The following MUSK variants were observed in gnomAD, a reference collection of about 807,000 sequenced individuals.
The protein encoded by MUSK is muscle associated receptor tyrosine kinase.
MUSK carries 55 observed loss-of-function variants against 88.7 expected under a neutral mutation model. The ratio of observed to expected loss-of-function variants is 0.62; its 90% confidence interval spans 0.50 to 0.78. The LOEUF is 0.78. Among genes scored for constraint, MUSK ranks in the 30% least tolerant of loss-of-function variants. The pLI, the probability that MUSK is intolerant of heterozygous loss-of-function variation, is 0.00. For missense variants in MUSK, 1,015 were observed against 1,074.3 expected, an observed-to-expected ratio of 0.94 and a Z score of 0.77; for synonymous variants, 387 against 391.9, an observed-to-expected ratio of 0.99 and a Z score of 0.15.
At chr9:110,715,663 T>C (rs1395131267) in intron 5 of MUSK, among the ~76,000 whole-genome samples, 5 of 148,306 alleles carry the variant, frequency 3.4e-5, no homozygotes, top group Non-Finnish European at 7.4e-5. Context: ...TTTATTTTCA[T>C]AGTGCCATTT....
intron 3 of MUSK, among the ~76,000 whole-genome samples, chr9:110,687,581 C>A (rs537138425): frequency 6.6e-6 from 1 of 152,184 alleles, no homozygotes; most frequent in South Asian, 2.1e-4. Context: ...GTGATCCGCC[C>A]ACCTTGGCAT....
intron 5 of MUSK, chr9:110,706,011 T>C (rs929031268): frequency 7.5e-5 from 34 of 455,106 alleles, no homozygotes; most frequent in East Asian, 5.9e-4. Context: ...ACAATCACAA[T>C]TGAATAAATT....
Position 110,801,228 on chromosome 9 carries a change from ATTC to A in MUSK, c.*247_*249del, listed in dbSNP as rs1183800403. 3.8e-5 allele frequency: 15 copies of A among 393,024 alleles called. No individual in the cohort carries two copies. In the Admixed American group the frequency reaches 4.4e-4, roughly 12 times the overall value. 24.3% of individuals were successfully genotyped at this position (393,024 alleles called of 1,614,324 possible). On this transcript the variant is annotated 3_prime_UTR_variant, in exon 15 of 15. Transcript: ENST00000374448. The stretch of plus-strand genomic sequence containing the variant: ...AATGTGTCAGATAATGGAGACAACT[ATTC>A]TTCTTCATGAAGGTTTGTAATACAC...
chr9:110,674,718 C>T (rs1040925790), intron 1 of MUSK, among the ~76,000 whole-genome samples: 1 of 152,086 alleles, frequency 6.6e-6, no homozygotes, highest in Non-Finnish European at 1.5e-5. Context: ...AGTTGATCCT[C>T]CCACCTCAGC....
intron 6 of MUSK, among the ~76,000 whole-genome samples, chr9:110,734,599 C>A (rs985010818): frequency 3.3e-5 from 5 of 152,102 alleles, no homozygotes; most frequent in African/African-American, 9.7e-5. Flanking sequence ...AAACCAATTT[C>A]TTTCTTTGTG....
chr9:110,697,225 G>A (rs912543448), intron 4 of MUSK, 100 bp from the exon 5 acceptor site: 1 of 1,257,876 alleles, frequency 7.9e-7, no homozygotes. Context: ...CGATATCTTT[G>A]ATGATGATAA....
chr9:110,701,923 T>TATTTCATTTCATTTC (rs1321358016), intron 5 of MUSK, among the ~76,000 whole-genome samples: 2 of 140,222 alleles, frequency 1.4e-5, no homozygotes, highest in Non-Finnish European at 3.0e-5. Context: ...TATTTTATTT[T>TATTTCATTTCATTTC]ATTTCATAGA....
In MUSK at chr9:110,669,010, G is replaced by A. The variant is rs185957122; in HGVS notation, c.79+27G>A. 4 of 1,581,952 alleles carry A rather than the reference G, an allele frequency of 2.5e-6. 1 individual carries two copies. Among genetic ancestry groups the A allele is most frequent in the Non-Finnish European group, 3.5e-6 (4 of 1,150,800 alleles). ...TTGGTTTGAGCAATCGTGTCTTCTTGTTGTCTTGTCATGGTTGTAAAGTGT... is the reference window on the plus strand; with the variant it reads ...TTGGTTTGAGCAATCGTGTCTTCTTATTGTCTTGTCATGGTTGTAAAGTGT... On this transcript the variant is annotated intron_variant, in intron 1 of 14. Coordinates refer to ENST00000374448, the MANE Select transcript of MUSK (RefSeq NM_005592.4).
At chr9:110,789,561 C>G (rs780657312) in intron 14 of MUSK, among the ~76,000 whole-genome samples, 5 of 152,260 alleles carry the variant, frequency 3.3e-5, no homozygotes, top group African/African-American at 4.8e-5. Flanking sequence ...AGCAGATCAC[C>G]TGAGGTCAGG....
chr9:110,768,840 G>C lies in MUSK; in HGVS notation c.1184+757G>C, dbSNP rs532323369. Among the ~76,000 whole-genome samples the C allele has an allele frequency of 1.6e-4, 24 of 152,100 alleles. No homozygotes were observed. In the East Asian group the frequency reaches 4.6e-3, roughly 29 times the overall value. ...AGTTCTGATGCTGTTGCCTCATTTG[G>C]GTGGTTATAGGAAGGAATTAGATTA... On this transcript the variant is annotated intron_variant, in intron 9 of 14. Transcript: ENST00000374448.
intron 3 of MUSK, among the ~76,000 whole-genome samples, chr9:110,689,860 A>G (rs2076287886): frequency 1.1e-5 from 1 of 89,150 alleles, no homozygotes; most frequent in Admixed American, 1.7e-4. Flanking sequence ...ATATAACTAT[A>G]TATTTAAATA....
rs60083941 is a variant in MUSK at position 110,781,853 on chromosome 9, A to T, written c.1385-2962A>T. Among the ~76,000 whole-genome samples the T allele has an allele frequency of 1.6e-3, 239 of 152,248 alleles. 1 individual carries two copies. Among genetic ancestry groups the T allele is most frequent in the African/African-American group, 5.6e-3 (234 of 41,554 alleles). On this transcript the variant is annotated intron_variant, in intron 11 of 14. Transcript: ENST00000374448. ...ACTCTACCCTTATTCATTTCAACAC[A>T]TGAATGTGGGGGAAAGACACAAAGA... is the stretch of plus-strand genomic sequence containing the variant.
chr9:110,749,042 CATA>C (rs769177850), intron 7 of MUSK, among the ~76,000 whole-genome samples: 37 of 151,990 alleles, frequency 2.4e-4, no homozygotes, highest in Admixed American at 7.2e-4. Flanking sequence ...AATAATATCA[CATA>C]ATAAGTAATA....
chr9:110,773,491 G>A (rs1391963583), intron 9 of MUSK, among the ~76,000 whole-genome samples: 1 of 151,958 alleles, frequency 6.6e-6, no homozygotes, highest in Non-Finnish European at 1.5e-5. Context: ...ATACTTGGAG[G>A]AGCTTATACT....
chr9:110,752,515 C>T (rs1344023445), intron 7 of MUSK, among the ~76,000 whole-genome samples: 1 of 152,252 alleles, frequency 6.6e-6, no homozygotes, highest in African/African-American at 2.4e-5. Flanking sequence ...CCTCTTTTGC[C>T]ATTCTGGCAA....
chr9:110,676,793 C>T (rs2076036630), intron 1 of MUSK, among the ~76,000 whole-genome samples: 1 of 152,158 alleles, frequency 6.6e-6, no homozygotes, highest in East Asian at 1.9e-4. Flanking sequence ...TTTATCCAGT[C>T]TATCATTGAT....
Position 110,694,398 on chromosome 9 carries a change from A to C in MUSK, c.359-1005A>C, listed in dbSNP as rs201974490. 2.3e-4 allele frequency among the ~76,000 whole-genome samples: 34 copies of C among 145,582 alleles called. No homozygotes were observed. In the East Asian group the frequency reaches 3.9e-3, roughly 17 times the overall value. ...GAGACTCCGTCTCAAAAAAAAAAAA[A>C]AAAAAAAACAAAAAAACAAAACCCA... is the stretch of plus-strand genomic sequence containing the variant. On this transcript the variant is annotated intron_variant, in intron 3 of 14. Transcript: ENST00000374448.
At position 110,800,628 on chromosome 9, in the gene MUSK, C is replaced by T; in HGVS notation, c.2250C>T (p.Ile750=). ...KIADFGLSRN[I]YSADYYKANE... ...CCGACTTTGGCCTCTCCAGGAACAT[C>T]TACTCAGCAGACTACTACAAAGCTA... Residue 750 remains isoleucine (I), a synonymous_variant, in exon 15 of 15, where the codon ATC becomes ATT. Coordinates refer to ENST00000374448, the MANE Select transcript of MUSK (RefSeq NM_005592.4). 6.2e-7 allele frequency: 1 copy of T among 1,613,334 alleles called. No individual in the cohort carries two copies. Among genetic ancestry groups the T allele is most frequent in the Non-Finnish European group, 8.5e-7 (1 of 1,179,516 alleles).
At chr9:110,785,285 G>A (rs573146889) in intron 12 of MUSK, among the ~76,000 whole-genome samples, 1 of 152,286 alleles carries the variant, frequency 6.6e-6, no homozygotes, top group Non-Finnish European at 1.5e-5. Context: ...CCTGCTCCTT[G>A]TCTTCTCCTC....
Sources: gnomAD v4.1 joint callset for allele counts (sites outside exome capture counted in the v4.1 genomes callset) on GRCh38, gnomAD v4.1.1 for gene constraint, MANE v1.5 for transcripts, NCBI Gene and HGNC (gene_info 2026-07-23, HGNC 2026-07-21) for gene names.